The following CAMK4 variants were observed in gnomAD, a reference collection of about 807,000 sequenced individuals.
The protein encoded by CAMK4 is calcium/calmodulin dependent protein kinase IV.
A neutral mutation model predicts 44.9 loss-of-function variants in CAMK4; 22 were observed. The observed-to-expected ratio is 0.49, with a 90% CI of 0.35 to 0.70. CAMK4 has a LOEUF of 0.70. CAMK4 is among the 30% of genes least tolerant of loss of function. The pLI, the probability that CAMK4 is intolerant of heterozygous loss-of-function variation, is 0.01. For missense variants in CAMK4, 498 were observed against 586.8 expected (o/e 0.85, Z 1.56); for synonymous variants, 218 against 215.4 (o/e 1.01, Z -0.11).
chr5:111,310,912 C>T (rs1748175436), intron 1 of CAMK4, among the ~76,000 whole-genome samples: 2 of 152,088 alleles, frequency 1.3e-5, no homozygotes, highest in African/African-American at 4.8e-5. Flanking sequence ...GTTCATCTGA[C>T]AGCAGTGGTG....
intron 7 of CAMK4, among the ~76,000 whole-genome samples, chr5:111,456,223 C>T (rs1421250388): frequency 2.6e-5 from 4 of 151,838 alleles, no homozygotes; most frequent in Non-Finnish European, 5.9e-5. Context: ...ATTTCTCGGC[C>T]GGGCGCGGTG....
At chr5:111,257,511 G>T (rs986329146) in intron 1 of CAMK4, among the ~76,000 whole-genome samples, 1 of 152,182 alleles carries the variant, frequency 6.6e-6, no homozygotes, top group Non-Finnish European at 1.5e-5. Flanking sequence ...TGCTGGTGAG[G>T]CTGTGGAGAA....
At chr5:111,410,355 G>A (rs554386009) in intron 5 of CAMK4, among the ~76,000 whole-genome samples, 60 of 152,200 alleles carry the variant, frequency 3.9e-4, no homozygotes, top group East Asian at 1.4e-3. Context: ...AGACTTATTC[G>A]CTACCACGAG....
chr5:111,421,043 C>G (rs1416456207), intron 5 of CAMK4, among the ~76,000 whole-genome samples: 4 of 152,172 alleles, frequency 2.6e-5, no homozygotes, highest in Non-Finnish European at 5.9e-5. Context: ...TCCATGAAAT[C>G]TTTACAATTT....
intron 1 of CAMK4, among the ~76,000 whole-genome samples, chr5:111,233,396 A>G (rs1370114316): frequency 6.6e-5 from 10 of 152,150 alleles, no homozygotes; most frequent in Admixed American, 6.5e-4. Context: ...GGCTAGTTCC[A>G]TTTCTCTCTT....
At chr5:111,405,662 G>T (rs569896485) in intron 5 of CAMK4, among the ~76,000 whole-genome samples, 142 of 152,252 alleles carry the variant, frequency 9.3e-4, no homozygotes, top group African/African-American at 3.2e-3. Flanking sequence ...TAAAAAGACA[G>T]GGAGACTGGC....
rs35350643 is a variant in CAMK4, at chr5:111,255,061, TAA to T, written c.161+30428_161+30429del. ...CTTTGTCCAACTTTTACTTAGTACT[TAA>T]AAAAAAAAAAGAATGGTTTTATGTG... On this transcript the variant is annotated intron_variant, in intron 1 of 10. Transcript: ENST00000282356. 4.5e-3 allele frequency among the ~76,000 whole-genome samples: 675 copies of T among 148,788 alleles called. 6 individuals are homozygous for T. The highest frequency in any genetic ancestry group is 9.0e-3 in the Admixed American group (134 of 14,826).
chr5:111,302,723 C>T (rs1329095257), intron 1 of CAMK4, among the ~76,000 whole-genome samples: 2 of 65,288 alleles, frequency 3.1e-5, no homozygotes, highest in Admixed American at 3.7e-4. Context: ...CCGGGAAGCT[C>T]GAACTGGGTG....
At chr5:111,401,267 T>C (rs568895328) in intron 5 of CAMK4, among the ~76,000 whole-genome samples, 1 of 152,270 alleles carries the variant, frequency 6.6e-6, no homozygotes, top group Non-Finnish European at 1.5e-5. Flanking sequence ...GCCTCCCAAG[T>C]AGCCGGGATT....
chr5:111,376,761 T>C, intron 3 of CAMK4, 99 bp from the exon 4 acceptor site: 1 of 613,806 alleles, frequency 1.6e-6, no homozygotes, highest in Non-Finnish European at 2.9e-6. Context: ...ATCCAACATA[T>C]TACTACTGCA....
At chr5:111,326,777 T>C (rs1362234755) in intron 1 of CAMK4, among the ~76,000 whole-genome samples, 2 of 151,718 alleles carry the variant, frequency 1.3e-5, no homozygotes, top group Non-Finnish European at 2.9e-5. Flanking sequence ...AAGGAGTACA[T>C]TGGTAGGTAT....
rs779233542 is a variant in CAMK4 at position 111,485,760 on chromosome 5, G to C, written c.*1294G>C. 3 of 152,026 alleles carry C rather than the reference G, an allele frequency of 2.0e-5. No individual in the cohort carries two copies. Among genetic ancestry groups the C allele is most frequent in the Non-Finnish European group, 2.9e-5 (2 of 67,980 alleles). 9.4% of individuals were successfully genotyped at this position (152,026 alleles called of 1,614,324 possible). On this transcript the variant is annotated 3_prime_UTR_variant, in exon 11 of 11. Coordinates refer to ENST00000282356, the MANE Select transcript of CAMK4 (RefSeq NM_001744.6). ...TGATTTCAAATCAGACTCTTAAAAA[G>C]CTGGAACATTAGACCTGATATTTTA...
At chr5:111,480,249 AACACACACACACAC>A (rs532395570) in intron 9 of CAMK4, among the ~76,000 whole-genome samples, 1 of 121,188 alleles carries the variant, frequency 8.3e-6, no homozygotes, top group African/African-American at 3.3e-5. Context: ...TAGGCATGTA[AACACACACACACAC>A]ACACACACAC....
In CAMK4 at chr5:111,394,743, T is replaced by C. The variant is rs375257012; in HGVS notation, c.420T>C (p.Asp140=). ...IVEKGYYSER[D]AADAVKQILE... Reference sequence around the variant, plus strand: ...AAAAGGGATATTACAGTGAGCGAGATGCTGCAGATGCCGTTAAACAAATCC... The same window carrying C: ...AAAAGGGATATTACAGTGAGCGAGACGCTGCAGATGCCGTTAAACAAATCC... The change falls in exon 5 of 11, where the codon GAT becomes GAC. Residue 140 remains aspartate (D), a synonymous_variant. Coordinates refer to ENST00000282356, the MANE Select transcript of CAMK4 (RefSeq NM_001744.6). 1.1e-5 allele frequency: 18 copies of C among 1,613,004 alleles called. No individual in the cohort carries two copies. Among genetic ancestry groups the C allele is most frequent in the Non-Finnish European group, 1.4e-5 (17 of 1,179,328 alleles).
intron 7 of CAMK4, among the ~76,000 whole-genome samples, chr5:111,460,265 CTTTTTCT>C (rs1754596514): frequency 8.1e-6 from 1 of 122,714 alleles, no homozygotes; most frequent in Non-Finnish European, 1.7e-5. Flanking sequence ...CTTTTCTTTT[CTTTTTCT>C]TTTTTTTTTT....
At chr5:111,403,708 C>T (rs1752314414) in intron 5 of CAMK4, among the ~76,000 whole-genome samples, 1 of 152,118 alleles carries the variant, frequency 6.6e-6, no homozygotes, top group African/African-American at 2.4e-5. Flanking sequence ...TAATAATCAA[C>T]ATTCTGAAAT....
At chr5:111,403,226 T>C (rs1192553784) in intron 5 of CAMK4, among the ~76,000 whole-genome samples, 1 of 151,700 alleles carries the variant, frequency 6.6e-6, no homozygotes, top group Non-Finnish European at 1.5e-5. Flanking sequence ...TTAAGGGTTT[T>C]GAAAATAAAA....
chr5:111,383,952 G>A (rs1751506548), intron 4 of CAMK4, among the ~76,000 whole-genome samples: 1 of 152,138 alleles, frequency 6.6e-6, no homozygotes, highest in Admixed American at 6.6e-5. Flanking sequence ...TCCAGAAGGG[G>A]AAAATATATA....
intron 2 of CAMK4, among the ~76,000 whole-genome samples, chr5:111,371,654 C>T (rs967819013): frequency 1.3e-5 from 2 of 152,126 alleles, no homozygotes; most frequent in Non-Finnish European, 1.5e-5. Flanking sequence ...TCTAAAATTT[C>T]CAGTTCAATA....
Sources: allele counts gnomAD v4.1 joint callset (sites outside exome capture counted in the v4.1 genomes callset), GRCh38; gene constraint gnomAD v4.1.1; transcripts MANE v1.5; gene names NCBI Gene and HGNC (gene_info 2026-07-23, HGNC 2026-07-21).